Variants in GUCY2F observed in about 807,000 individuals in gnomAD.
GUCY2F encodes the protein retinal guanylyl cyclase 2.
Under a neutral mutation model 73.1 loss-of-function variants are expected in GUCY2F, and 61 were observed. That is an observed-to-expected ratio of 0.83 (90% CI 0.68 to 1.03). The LOEUF (loss-of-function observed/expected upper bound fraction) is 1.03. Ranked by LOEUF, GUCY2F falls within the 50% of genes least tolerant of loss-of-function variation. The pLI is 0.00. For missense variants in GUCY2F, 912 were observed against 854.3 expected (o/e 1.07, Z -0.84); for synonymous variants, 331 against 307.8 (o/e 1.08, Z -0.79).
chrX:109,461,764 G>A (rs186902529), intron 3 of GUCY2F, among the ~76,000 whole-genome samples: 284 of 112,280 alleles, frequency 2.5e-3, no homozygotes, highest in Non-Finnish European at 4.8e-3. Context: ...AAGATGCACA[G>A]AATCAACTTT....
intron 18 of GUCY2F, 27 bp downstream of exon 18, chrX:109,376,052 C>T (rs1930171473): frequency 1.7e-6 from 2 of 1,159,451 alleles, no homozygotes; most frequent in Non-Finnish European, 2.4e-6. Flanking sequence ...CATAGGAAGA[C>T]TCCAATTAAA....
At chrX:109,383,029 A>T (rs754096596) in intron 16 of GUCY2F, among the ~76,000 whole-genome samples, 10 of 110,928 alleles carry the variant, frequency 9.0e-5, no homozygotes, top group African/African-American at 2.0e-4. Context: ...TGAGAAAATC[A>T]TTTTTTTTAA....
chrX:109,413,555 C>A (rs1931164314), intron 8 of GUCY2F, among the ~76,000 whole-genome samples: 1 of 110,786 alleles, frequency 9.0e-6, no homozygotes, highest in Non-Finnish European at 1.9e-5. Flanking sequence ...CAGGTGCATG[C>A]CACTACACTC....
intron 2 of GUCY2F, among the ~76,000 whole-genome samples, chrX:109,473,854 T>G (rs1405433964): frequency 8.9e-6 from 1 of 112,501 alleles, no homozygotes; most frequent in Non-Finnish European, 1.9e-5. Flanking sequence ...TAACCTATTA[T>G]AAAGTTATGA....
chrX:109,438,356 G>T (rs1016381570), intron 7 of GUCY2F, among the ~76,000 whole-genome samples: 3 of 112,342 alleles, frequency 2.7e-5, no homozygotes, highest in Non-Finnish European at 5.6e-5. Context: ...CATTCACAAA[G>T]TAGAAGCCCT....
Position 109,404,394 on chromosome X carries a change from T to C in GUCY2F, c.2059A>G (p.Thr687Ala), listed in dbSNP as rs771429124. ...VVDGRFVLKVTDYGFNDILEM... is the reference protein window; with the variant it reads ...VVDGRFVLKVADYGFNDILEM... ...AAGATGTCGTTAAAGCCATAATCTG[T>C]CACTTTTAGTACAAAACGCCCATCT... The change falls in exon 10 of 20, where the codon ACA (threonine) becomes GCA (alanine). Residue 687 changes from threonine (T) to alanine (A), a missense_variant. Thr to Ala is a moderately conservative substitution (Grantham distance 58, BLOSUM62 0). Coordinates refer to ENST00000218006, the MANE Select transcript of GUCY2F (RefSeq NM_001522.3). 1.7e-6 allele frequency: 2 copies of C among 1,186,984 alleles called. No homozygotes were observed. The highest frequency in any genetic ancestry group is 5.9e-5 in the East Asian group (2 of 33,736).
rs775151018 is a variant in GUCY2F, at chrX:109,471,206, C to A, written c.730+4001G>T. On this transcript the variant is annotated intron_variant, in intron 2 of 19. Transcript: ENST00000218006. The stretch of plus-strand genomic sequence containing the variant: ...TAACATCATGTTGTAATGAAGCATT[C>A]CCAATTTGGAAGGATTGAAAGGAAA... 9.8e-4 allele frequency among the ~76,000 whole-genome samples: 110 copies of A among 111,762 alleles called. 1 individual carries two copies. Among genetic ancestry groups the A allele is most frequent in the Non-Finnish European group, 3.2e-4 (17 of 53,117 alleles).
intron 8 of GUCY2F, among the ~76,000 whole-genome samples, chrX:109,429,970 C>T (rs1200670792): frequency 1.8e-5 from 2 of 112,480 alleles, no homozygotes. Context: ...AGATGCTTTA[C>T]GTGTATTGTC....
chrX:109,431,742 A>C (rs1474354508), intron 7 of GUCY2F, among the ~76,000 whole-genome samples: 1 of 108,460 alleles, frequency 9.2e-6, no homozygotes, highest in Non-Finnish European at 1.9e-5. Context: ...TTATTAAGGA[A>C]TATATCCAGC....
chrX:109,442,551 C>T (rs1480711451), intron 6 of GUCY2F, among the ~76,000 whole-genome samples: 3 of 111,432 alleles, frequency 2.7e-5, no homozygotes, highest in Non-Finnish European at 3.8e-5. Context: ...AACTACTTCC[C>T]AACACTCTAC....
rs1297270411 is a variant in GUCY2F at position 109,393,058 on chromosome X, G to A, written c.2425-3C>T. The A allele has an allele frequency of 2.0e-6, 2 of 1,020,244 alleles. No individual in the cohort carries two copies. The highest frequency in any genetic ancestry group is 2.7e-6 in the Non-Finnish European group (2 of 728,416). 84.1% of individuals were successfully genotyped at this position (1,020,244 alleles called of 1,213,427 possible). On this transcript the variant is annotated splice_polypyrimidine_tract_variant and splice_region_variant and intron_variant, in intron 12 of 19. Transcript: ENST00000218006. ...TTCCCTTTATTAAAAGTTTTAAACT[G>A]GAAGTAAAATAGAAAAGGGAACCAG... is the stretch of plus-strand genomic sequence containing the variant.
At chrX:109,416,927 G>C (rs865918223) in intron 8 of GUCY2F, among the ~76,000 whole-genome samples, 2 of 57,122 alleles carry the variant, frequency 3.5e-5, no homozygotes, top group Middle Eastern at 9.0e-3. Context: ...CAGAAACAAA[G>C]AAATGCAAAA....
intron 17 of GUCY2F, among the ~76,000 whole-genome samples, chrX:109,378,743 C>G (rs1195227607): frequency 9.0e-6 from 1 of 111,296 alleles, no homozygotes. Context: ...ACTGTTTAAC[C>G]CCAGAATTCA....
chrX:109,388,766 T>C lies in GUCY2F; in HGVS notation c.2782-103A>G, dbSNP rs1325161485. ...GAGGCCAGGTGGTCTTGTTGTAAAG[T>C]GAGAAAGGCAGAGAGGGACTGTCAA... On this transcript the variant is annotated intron_variant, in intron 14 of 19. Transcript: ENST00000218006. The C allele has an allele frequency of 5.9e-5, 30 of 510,640 alleles. No individual in the cohort carries two copies. The South Asian group carries it at 6.7e-4, about 11-fold the overall frequency. 42.1% of individuals were successfully genotyped at this position (510,640 alleles called of 1,213,427 possible). A position where few individuals can be genotyped will look rare whatever the true frequency, so the allele number is the denominator to read the frequency against.
At chrX:109,404,951 G>A (rs1391964711) in intron 9 of GUCY2F, among the ~76,000 whole-genome samples, 1 of 112,306 alleles carries the variant, frequency 8.9e-6, no homozygotes, top group East Asian at 2.8e-4. Context: ...AGAAATGCTT[G>A]CATGTATACA....
At chrX:109,435,947 T>C (rs1437108686) in intron 7 of GUCY2F, among the ~76,000 whole-genome samples, 38 of 111,599 alleles carry the variant, frequency 3.4e-4, no homozygotes, top group Non-Finnish European at 4.0e-4. Context: ...TTTGCGTATA[T>C]TGAACCAGCC....
intron 7 of GUCY2F, among the ~76,000 whole-genome samples, chrX:109,435,093 T>G (rs1931707866): frequency 9.0e-6 from 1 of 111,441 alleles, no homozygotes; most frequent in Non-Finnish European, 1.9e-5. Flanking sequence ...TGGCTTAGGA[T>G]TGACTTGGCA....
rs762166988 is a variant in GUCY2F at position 109,418,630 on chromosome X, G to T, written c.1792-9462C>A. Among the ~76,000 whole-genome samples, 13 of 111,371 alleles carry T rather than the reference G, an allele frequency of 1.2e-4. No homozygotes were observed. The South Asian group carries it at 4.7e-3, about 41-fold the overall frequency. On this transcript the variant is annotated intron_variant, in intron 8 of 19. Transcript: ENST00000218006. ...CAATGAAAATATAACATAAAATTTT[G>T]CAGGATGCAGCTACAGCAGAGCTTA... is the stretch of plus-strand genomic sequence containing the variant.
intron 7 of GUCY2F, among the ~76,000 whole-genome samples, chrX:109,435,090 G>A (rs1931707760): frequency 9.0e-6 from 1 of 111,259 alleles, no homozygotes; most frequent in African/African-American, 3.3e-5. Context: ...TTTTGGCTTA[G>A]GATTGACTTG....
Sources: allele counts gnomAD v4.1 joint callset (sites outside exome capture counted in the v4.1 genomes callset), GRCh38; gene constraint gnomAD v4.1.1; transcripts MANE v1.5; gene names NCBI Gene and HGNC (gene_info 2026-07-23, HGNC 2026-07-21).